POU2F1: variants seen among roughly 807,000 people sequenced by gnomAD.
The protein encoded by POU2F1 is POU domain, class 2, transcription factor 1.
Under a neutral mutation model 84.9 loss-of-function variants are expected in POU2F1, and 16 were observed. That is an observed-to-expected ratio of 0.19 (90% CI 0.13 to 0.29). POU2F1 has a LOEUF of 0.29. POU2F1 is among the 10% of genes least tolerant of loss of function. POU2F1 has a pLI of 1.00. For synonymous variants in POU2F1, 368 were observed against 368.3 expected (o/e 1.00, Z 0.01); for missense variants, 738 against 942.6 (o/e 0.78, Z 2.84).
chr1:167,330,594 A>G (rs1236347057), intron 1 of POU2F1, among the ~76,000 whole-genome samples: 1 of 152,150 alleles, frequency 6.6e-6, no homozygotes, highest in East Asian at 1.9e-4. Context: ...CAGTCTTCCC[A>G]TTGTGCAATT....
At chr1:167,252,895 G>A (rs530326528) in intron 1 of POU2F1, among the ~76,000 whole-genome samples, 1 of 152,294 alleles carries the variant, frequency 6.6e-6, no homozygotes, top group East Asian at 1.9e-4. Flanking sequence ...TAGCATTTCT[G>A]TTATTTCTAT....
chr1:167,384,407 A>G (rs138653821), intron 8 of POU2F1, among the ~76,000 whole-genome samples: 1 of 152,264 alleles, frequency 6.6e-6, no homozygotes, highest in East Asian at 1.9e-4. Context: ...CACTATAATT[A>G]TATTAAAAAA....
chr1:167,401,371 C>CATT, intron 12 of POU2F1, 80 bp from the exon 13 acceptor site: 2 of 965,770 alleles, frequency 2.1e-6, no homozygotes, highest in Non-Finnish European at 1.5e-6. Flanking sequence ...ATTCCAAGAT[C>CATT]AAAGAAAGAC....
At chr1:167,310,538 AAAAG>A (rs1391732112) in intron 1 of POU2F1, among the ~76,000 whole-genome samples, 1 of 152,122 alleles carries the variant, frequency 6.6e-6, no homozygotes, top group Admixed American at 6.5e-5. Flanking sequence ...TGAGGCCAAA[AAAAG>A]GAGGGAGGTA....
chr1:167,335,476 C>A (rs1657386894), intron 2 of POU2F1, among the ~76,000 whole-genome samples: 1 of 151,996 alleles, frequency 6.6e-6, no homozygotes, highest in Non-Finnish European at 1.5e-5. Context: ...ATCAGAAGTG[C>A]AGAATGAAGG....
chr1:167,399,565 C>T (rs114677427), intron 12 of POU2F1, among the ~76,000 whole-genome samples, 200 bp downstream of exon 12: 1 of 152,228 alleles, frequency 6.6e-6, no homozygotes, highest in South Asian at 2.1e-4. Context: ...CTCTCTCTCT[C>T]TCTCTGCTGA....
chr1:167,361,240 A>G (rs886456576), intron 2 of POU2F1, among the ~76,000 whole-genome samples: 7 of 152,156 alleles, frequency 4.6e-5, no homozygotes, highest in Non-Finnish European at 7.4e-5. Context: ...GTGAGAGTGG[A>G]CATCCTTGCC....
chr1:167,337,750 G>T (rs943114529), intron 2 of POU2F1, among the ~76,000 whole-genome samples: 1 of 151,822 alleles, frequency 6.6e-6, no homozygotes, highest in Non-Finnish European at 1.5e-5. Flanking sequence ...AAGGATATCT[G>T]CCTGAACAGG....
At chr1:167,338,028 G>A (rs1274120439) in intron 2 of POU2F1, 1 of 417,882 alleles carries the variant, frequency 2.4e-6, no homozygotes, top group Non-Finnish European at 4.8e-6. Flanking sequence ...AGAAGGATTG[G>A]TAGCATATAG....
Position 167,398,139 on chromosome 1 carries a change from T to C in POU2F1, c.1269+6T>C, listed in dbSNP as rs746536206. 1.9e-6 allele frequency: 3 copies of C among 1,613,066 alleles called. No homozygotes were observed. Among genetic ancestry groups the C allele is most frequent in the Admixed American group, 1.7e-5 (1 of 59,808 alleles). ...TAGAGAAGAGTTTCTTGGAGGTCAGTGAGGATTTTACTTTTCTGTACATGG... is the reference window on the plus strand; with the variant it reads ...TAGAGAAGAGTTTCTTGGAGGTCAGCGAGGATTTTACTTTTCTGTACATGG... On this transcript the variant is annotated splice_donor_region_variant and intron_variant, in intron 11 of 15. Coordinates refer to ENST00000367866, the MANE Select transcript of POU2F1 (RefSeq NM_002697.4).
chr1:167,316,161 G>A (rs1034611086), intron 1 of POU2F1, among the ~76,000 whole-genome samples: 7 of 152,150 alleles, frequency 4.6e-5, no homozygotes, highest in African/African-American at 1.4e-4. Flanking sequence ...TGCAATGATA[G>A]TTACATGAAC....
intron 1 of POU2F1, among the ~76,000 whole-genome samples, chr1:167,251,147 C>G (rs1388942539): frequency 6.6e-6 from 1 of 152,038 alleles, no homozygotes; most frequent in African/African-American, 2.4e-5. Context: ...GCCTGTAATC[C>G]CAGCACTTTG....
chr1:167,317,039 G>A (rs1655956247), intron 1 of POU2F1, among the ~76,000 whole-genome samples: 2 of 152,108 alleles, frequency 1.3e-5, no homozygotes. Flanking sequence ...CTATAGGCGT[G>A]CACCACCACA....
rs1471434551 is a variant in POU2F1 at position 167,419,263 on chromosome 1, G to A, written c.*3453G>A. The stretch of plus-strand genomic sequence containing the variant: ...CATTTGACCAAAAGAGGTGTTTGGT[G>A]GAGTTTCTGCATTTCAAAGAAGAAA... On this transcript the variant is annotated 3_prime_UTR_variant, in exon 16 of 16. Transcript: ENST00000367866. 1.3e-5 allele frequency: 2 copies of A among 152,120 alleles called. No homozygotes were observed. Among genetic ancestry groups the A allele is most frequent in the Non-Finnish European group, 2.9e-5 (2 of 68,008 alleles). 9.4% of individuals were successfully genotyped at this position (152,120 alleles called of 1,614,324 possible).
intron 1 of POU2F1, among the ~76,000 whole-genome samples, chr1:167,319,934 T>G (rs1402645461): frequency 6.6e-6 from 1 of 152,168 alleles, no homozygotes; most frequent in African/African-American, 2.4e-5. Context: ...GTATCTGCAT[T>G]TGAGACCAGA....
At chr1:167,265,647 C>G (rs961818711) in intron 1 of POU2F1, among the ~76,000 whole-genome samples, 1 of 152,148 alleles carries the variant, frequency 6.6e-6, no homozygotes. Flanking sequence ...GAGGAGTACT[C>G]TTAGGGTTGT....
chr1:167,350,736 T>C (rs1265948361), intron 2 of POU2F1, among the ~76,000 whole-genome samples: 1 of 151,004 alleles, frequency 6.6e-6, no homozygotes, highest in Non-Finnish European at 1.5e-5. Context: ...CGGTGGCTCA[T>C]GCCTATAATC....
intron 1 of POU2F1, among the ~76,000 whole-genome samples, chr1:167,297,708 T>C (rs76032309): frequency 0.025 from 3,762 of 152,278 alleles, 151 homozygotes; most frequent in African/African-American, 0.083. Flanking sequence ...AACCAGCATG[T>C]ACTACTACTA....
chr1:167,393,085 T>TCACATTTATCACAC (rs1648541958), intron 9 of POU2F1, among the ~76,000 whole-genome samples: 2 of 152,244 alleles, frequency 1.3e-5, no homozygotes, highest in African/African-American at 2.4e-5. Flanking sequence ...TCACATGTGG[T>TCACATTTATCACAC]ACATTCATTA....
Sources: gnomAD v4.1 joint callset for allele counts (sites outside exome capture counted in the v4.1 genomes callset) on GRCh38, gnomAD v4.1.1 for gene constraint, MANE v1.5 for transcripts, NCBI Gene and HGNC (gene_info 2026-07-23, HGNC 2026-07-21) for gene names.